ZBTB20: variants seen among roughly 807,000 people sequenced by gnomAD.
The protein encoded by ZBTB20 is zinc finger and BTB domain-containing protein 20.
In ZBTB20, 9 loss-of-function variants were observed where a neutral mutation model predicts 56.9. The observed-to-expected ratio is 0.16, with a 90% CI of 0.10 to 0.28. ZBTB20 has a LOEUF of 0.28. ZBTB20 is among the 10% of genes least tolerant of loss of function. ZBTB20 has a pLI of 1.00. For synonymous variants in ZBTB20, 417 were observed against 420.7 expected (o/e 0.99, Z 0.11); for missense variants, 655 against 1,003.0 (o/e 0.65, Z 4.69).
intron 6 of ZBTB20, among the ~76,000 whole-genome samples, chr3:114,613,705 T>C (rs1170712500): frequency 2.0e-5 from 3 of 152,132 alleles, no homozygotes. Flanking sequence ...TCAATCTGTA[T>C]GTAAAGCTTA....
chr3:114,995,615 A>G (rs2078994987), intron 2 of ZBTB20, among the ~76,000 whole-genome samples: 3 of 151,886 alleles, frequency 2.0e-5, no homozygotes, highest in Admixed American at 2.0e-4. Context: ...GAAATCAGAT[A>G]TAAGTGCTTT....
chr3:114,666,843 C>T (rs2061085168), intron 6 of ZBTB20, among the ~76,000 whole-genome samples: 1 of 151,962 alleles, frequency 6.6e-6, no homozygotes. Context: ...TGTCTCGTTT[C>T]TATGGGTTGA....
intron 2 of ZBTB20, among the ~76,000 whole-genome samples, chr3:115,007,234 C>CT (rs2079510862): frequency 6.6e-6 from 1 of 151,484 alleles, no homozygotes; most frequent in African/African-American, 2.4e-5. Flanking sequence ...GTGAAATATC[C>CT]TTTATGACTT....
chr3:115,117,646 T>A (rs1392634260), intron 1 of ZBTB20, among the ~76,000 whole-genome samples: 2 of 152,158 alleles, frequency 1.3e-5, no homozygotes, highest in East Asian at 3.8e-4. Context: ...ACAACTCTTT[T>A]TTTTTTCAGT....
chr3:114,621,188 A>G (rs2058294535), intron 6 of ZBTB20, among the ~76,000 whole-genome samples: 1 of 152,210 alleles, frequency 6.6e-6, no homozygotes, highest in African/African-American at 2.4e-5. Flanking sequence ...TGATAAGCTA[A>G]TATGTATATT....
intron 5 of ZBTB20, among the ~76,000 whole-genome samples, chr3:114,712,378 C>T (rs11710854): frequency 0.073 from 11,037 of 152,062 alleles, 430 homozygotes; most frequent in Middle Eastern, 0.13. Context: ...AGGCCGGGCG[C>T]GGTGGCTCAC....
At chr3:114,925,398 T>C (rs260186) in intron 3 of ZBTB20, among the ~76,000 whole-genome samples, 148,302 of 152,318 alleles carry the variant, frequency 0.97, 72,338 homozygotes, top group East Asian at 1. Flanking sequence ...CTTTAATTTT[T>C]TTGCCTAGTA....
At chr3:114,898,905 C>A (rs928561182) in intron 4 of ZBTB20, among the ~76,000 whole-genome samples, 3 of 152,018 alleles carry the variant, frequency 2.0e-5, no homozygotes, top group African/African-American at 7.2e-5. Context: ...GAAATTTGAG[C>A]CTACTGAATA....
intron 5 of ZBTB20, among the ~76,000 whole-genome samples, chr3:114,716,903 C>T (rs1416674935): frequency 6.6e-6 from 1 of 151,922 alleles, no homozygotes; most frequent in East Asian, 1.9e-4. Context: ...ATAATGGAAA[C>T]CTGGCCCAGA....
intron 7 of ZBTB20, among the ~76,000 whole-genome samples, chr3:114,467,154 T>C (rs1576920563): frequency 2.0e-5 from 3 of 152,088 alleles, no homozygotes; most frequent in African/African-American, 7.2e-5. Context: ...CAGTAGGAGT[T>C]TGAGATGTTG....
At chr3:114,955,087 C>G (rs962161142) in intron 3 of ZBTB20, among the ~76,000 whole-genome samples, 1 of 152,132 alleles carries the variant, frequency 6.6e-6, no homozygotes, top group Non-Finnish European at 1.5e-5. Flanking sequence ...CACTACTGCC[C>G]CTATGGTGCC....
chr3:114,900,652 A>T, intron 3 of ZBTB20: 1 of 129,388 alleles, frequency 7.7e-6, no homozygotes, highest in African/African-American at 2.5e-5. Flanking sequence ...AACACTTTAA[A>T]ATGATTTTTT....
intron 5 of ZBTB20, among the ~76,000 whole-genome samples, chr3:114,798,337 A>AAAAC (rs1279591158): frequency 1.5e-5 from 1 of 65,946 alleles, no homozygotes; most frequent in Non-Finnish European, 5.2e-5. Context: ...ACAAAATTAA[A>AAAAC]AAACAAAAAA....
chr3:114,765,627 C>A (rs2068735703), intron 5 of ZBTB20, among the ~76,000 whole-genome samples: 1 of 152,056 alleles, frequency 6.6e-6, no homozygotes, highest in Admixed American at 6.6e-5. Context: ...TTATGATATT[C>A]TATTATGGCA....
rs187458503 is a variant in ZBTB20, at chr3:114,703,903, G to A, written c.-342-10328C>T. 4.6e-5 allele frequency among the ~76,000 whole-genome samples: 7 copies of A among 152,300 alleles called. No individual in the cohort carries two copies. The East Asian group carries it at 1.3e-3, about 29-fold the overall frequency. On this transcript the variant is annotated intron_variant, in intron 5 of 11. Transcript: ENST00000675478. ...CAAGAGTTGCAAATCACAGCCTGTG[G>A]ACGAAAGGGATCCAGGTGTCACATT...
chr3:114,879,421 A>T (rs2076314106), intron 4 of ZBTB20, among the ~76,000 whole-genome samples: 1 of 152,170 alleles, frequency 6.6e-6, no homozygotes, highest in Non-Finnish European at 1.5e-5. Flanking sequence ...GCACTTTAAA[A>T]AAAAACCCTC....
At chr3:115,112,538 G>A (rs1381602271) in intron 1 of ZBTB20, among the ~76,000 whole-genome samples, 1 of 152,048 alleles carries the variant, frequency 6.6e-6, no homozygotes, top group African/African-American at 2.4e-5. Flanking sequence ...GCTCCCACAT[G>A]AGTGAGAACA....
intron 2 of ZBTB20, among the ~76,000 whole-genome samples, chr3:114,988,011 C>T (rs1270413612): frequency 6.6e-6 from 1 of 150,988 alleles, no homozygotes; most frequent in Non-Finnish European, 1.5e-5. Flanking sequence ...TATTCCCTAT[C>T]GTCTTCTTTT....
At chr3:114,537,300 C>T (rs1166895751) in intron 6 of ZBTB20, among the ~76,000 whole-genome samples, 1 of 151,650 alleles carries the variant, frequency 6.6e-6, no homozygotes, top group Non-Finnish European at 1.5e-5. Flanking sequence ...AAGAAAAAAA[C>T]AAACCCCATC....
Sources: allele counts gnomAD v4.1 joint callset (sites outside exome capture counted in the v4.1 genomes callset), GRCh38; gene constraint gnomAD v4.1.1; transcripts MANE v1.5; gene names NCBI Gene and HGNC (gene_info 2026-07-23, HGNC 2026-07-21).